LARGE1: variants seen among roughly 807,000 people sequenced by gnomAD.
LARGE1 encodes the protein xylosyl- and glucuronyltransferase LARGE1.
A neutral mutation model predicts 87.6 loss-of-function variants in LARGE1; 43 were observed. That is an observed-to-expected ratio of 0.49 (90% CI 0.38 to 0.63). The LOEUF (loss-of-function observed/expected upper bound fraction) is 0.63. Among genes scored for constraint, LARGE1 ranks in the 30% least tolerant of loss-of-function variants. The pLI is 0.00. For synonymous variants in LARGE1, 434 were observed against 394.6 expected (o/e 1.10, Z -1.18); for missense variants, 802 against 1,000.2 (o/e 0.80, Z 2.67).
intron 9 of LARGE1, among the ~76,000 whole-genome samples, chr22:33,370,559 G>C (rs969623995): frequency 7.9e-5 from 12 of 152,166 alleles, no homozygotes; most frequent in African/African-American, 2.9e-4. Flanking sequence ...GAATGCAATC[G>C]TTGTTTATAA....
chr22:33,822,896 A>T (rs1191145287), intron 1 of LARGE1, among the ~76,000 whole-genome samples: 1 of 152,162 alleles, frequency 6.6e-6, no homozygotes, highest in African/African-American at 2.4e-5. Context: ...AAAAGCCAGA[A>T]GTAGAACATG....
rs991791782 is a variant in LARGE1 at position 33,604,542 on chromosome 22, A to G, written c.508T>C (p.Phe170Leu). 3.1e-6 allele frequency: 5 copies of G among 1,614,028 alleles called. No individual in the cohort carries two copies. Among genetic ancestry groups the G allele is most frequent in the African/African-American group, 1.3e-5 (1 of 75,006 alleles). The change falls in exon 5 of 15, where the codon TTC becomes CTC. Residue 170 changes from phenylalanine (F) to leucine (L), a missense_variant. By Grantham distance (22) the Phe-to-Leu change is conservative (BLOSUM62 0). This residue lies in a region of LARGE1 where 625 missense variants were observed against 841.9 expected (regional missense o/e 0.74). Coordinates refer to ENST00000397394, the MANE Select transcript of LARGE1 (RefSeq NM_133642.5). Reference sequence around the variant, plus strand: ...GCAATGGAGTCAGCAATAAGGTGGAAGTGCAGAGGGTTCCGTCTGTGGGGA... The same window carrying G: ...GCAATGGAGTCAGCAATAAGGTGGAGGTGCAGAGGGTTCCGTCTGTGGGGA... ...VLFHRRNPLH[F>L]HLIADSIAEQ...
chr22:33,691,330 T>C (rs1019070209), intron 2 of LARGE1, among the ~76,000 whole-genome samples: 14 of 152,040 alleles, frequency 9.2e-5, no homozygotes, highest in African/African-American at 3.1e-4. Flanking sequence ...GTTTCACCCA[T>C]TTCTAAAAGA....
Position 33,450,101 on chromosome 22 carries a change from G to A in LARGE1, c.788-17836C>T, listed in dbSNP as rs372719050. ...TAATTTTTGTATTTTTAGTAGAGAC[G>A]GAGTTTTGCCATGTTGGCCAGGCTG... is the stretch of plus-strand genomic sequence containing the variant. On this transcript the variant is annotated intron_variant, in intron 6 of 14. Coordinates refer to ENST00000397394, the MANE Select transcript of LARGE1 (RefSeq NM_133642.5). Among the ~76,000 whole-genome samples, 14 of 151,962 alleles carry A rather than the reference G, an allele frequency of 9.2e-5. No individual in the cohort carries two copies. In the South Asian group the frequency reaches 1.2e-3, roughly 14 times the overall value.
intron 6 of LARGE1, among the ~76,000 whole-genome samples, chr22:33,501,876 A>G (rs1305705084): frequency 6.6e-6 from 1 of 152,188 alleles, no homozygotes; most frequent in Non-Finnish European, 1.5e-5. Flanking sequence ...AAGGGGAAAC[A>G]CAGGTGCTTG....
intron 6 of LARGE1, among the ~76,000 whole-genome samples, chr22:33,511,148 C>CCT (rs1443180757): frequency 6.6e-6 from 1 of 152,172 alleles, no homozygotes; most frequent in Non-Finnish European, 1.5e-5. Context: ...ACAGATGTTT[C>CCT]CACATGTGGC....
At chr22:33,354,677 TG>T (rs1940726188) in intron 9 of LARGE1, among the ~76,000 whole-genome samples, 1 of 152,242 alleles carries the variant, frequency 6.6e-6, no homozygotes, top group African/African-American at 2.4e-5. Flanking sequence ...CAAATATTTT[TG>T]TATGACTTTT....
chr22:33,738,978 C>T (rs1408152175), intron 2 of LARGE1, among the ~76,000 whole-genome samples: 1 of 150,282 alleles, frequency 6.7e-6, no homozygotes, highest in Non-Finnish European at 1.5e-5. Context: ...TACAGTCATC[C>T]TAGATACAGT....
At chr22:33,154,918 T>C in the LARGE1 span, among the ~76,000 whole-genome samples, 294 of 152,276 alleles carry the variant, frequency 1.9e-3, 1 homozygote, top group Non-Finnish European at 3.6e-3. Context: ...CTTGTGATGG[T>C]GAATACGTCT....
At chr22:33,240,665 T>C (rs137481) in intron 11 of LARGE1, among the ~76,000 whole-genome samples, 6,366 of 152,362 alleles carry the variant, frequency 0.042, 196 homozygotes, top group Admixed American at 0.088. Context: ...TATTTTCATT[T>C]ACATTTTAAA....
chr22:33,476,957 G>C (rs1312343949), intron 6 of LARGE1, among the ~76,000 whole-genome samples: 2 of 152,166 alleles, frequency 1.3e-5, no homozygotes, highest in African/African-American at 4.8e-5. Context: ...GGTGACAATT[G>C]CTGGAATCGA....
At position 33,273,747 on chromosome 22, in the gene LARGE1, G is replaced by A. The variant is rs1018210395; in HGVS notation, c.*680C>T. On this transcript the variant is annotated 3_prime_UTR_variant, in exon 15 of 15. Coordinates refer to ENST00000397394, the MANE Select transcript of LARGE1 (RefSeq NM_133642.5). ...TAGAGGCAGCTGATTTTCCTTTAGA[G>A]CCTCAAAGGATCAGATTTTCTATTT... is the stretch of plus-strand genomic sequence containing the variant. 2.5e-6 allele frequency: 1 copy of A among 398,460 alleles called. No individual in the cohort carries two copies. The highest frequency in any genetic ancestry group is 2.1e-5 in the African/African-American group (1 of 48,610). 24.7% of individuals were successfully genotyped at this position (398,460 alleles called of 1,614,324 possible). A position where few individuals can be genotyped will look rare whatever the true frequency, so the allele number is the denominator to read the frequency against.
At chr22:33,493,628 A>C (rs1480926240) in intron 6 of LARGE1, among the ~76,000 whole-genome samples, 2 of 152,176 alleles carry the variant, frequency 1.3e-5, no homozygotes, top group African/African-American at 4.8e-5. Flanking sequence ...CAACAGCAGC[A>C]ACCCTATGAA....
chr22:33,165,112 T>G (rs890310553), exon 12 of LARGE1: 1 of 152,150 alleles, frequency 6.6e-6, no homozygotes, highest in Admixed American at 6.6e-5. Context: ...AATAAACCCA[T>G]GTAACAAATC....
intron 2 of LARGE1, among the ~76,000 whole-genome samples, chr22:33,679,468 G>A (rs188855067): frequency 2.7e-5 from 4 of 147,514 alleles, no homozygotes; most frequent in Admixed American, 6.8e-5. Flanking sequence ...ACACACACAC[G>A]CACACACACA....
intron 1 of LARGE1, among the ~76,000 whole-genome samples, chr22:33,827,854 C>T (rs772768999): frequency 6.6e-6 from 1 of 152,148 alleles, no homozygotes; most frequent in African/African-American, 2.4e-5. Context: ...CCTAGAGTTT[C>T]GGATTATAGA....
intron 1 of LARGE1, among the ~76,000 whole-genome samples, chr22:33,816,689 T>TAGATAGATAGACAGACAGACAGAC (rs1230056474): frequency 1.5e-5 from 2 of 132,364 alleles, no homozygotes; most frequent in Admixed American, 7.3e-5. Flanking sequence ...GATAGATAGA[T>TAGATAGATAGACAGACAGACAGAC]AGACAGACAG....
At chr22:33,720,656 A>G (rs1408675220) in intron 2 of LARGE1, among the ~76,000 whole-genome samples, 1 of 152,250 alleles carries the variant, frequency 6.6e-6, no homozygotes, top group Non-Finnish European at 1.5e-5. Flanking sequence ...CCCAGAGTCC[A>G]GAGAATGTGG....
chr22:33,084,708 T>A, the LARGE1 span, among the ~76,000 whole-genome samples: 1 of 152,162 alleles, frequency 6.6e-6, no homozygotes, highest in Admixed American at 6.5e-5. Flanking sequence ...TATGTAATTT[T>A]AAATTTTCTA....
Sources: gnomAD v4.1 joint callset for allele counts (sites outside exome capture counted in the v4.1 genomes callset) on GRCh38, gnomAD v4.1.1 for gene constraint, gnomAD v4.1.1 regional missense constraint, MANE v1.5 for transcripts, NCBI Gene and HGNC (gene_info 2026-07-23, HGNC 2026-07-21) for gene names.